The following FAM13A variants were observed in gnomAD, a reference collection of about 807,000 sequenced individuals.
FAM13A encodes the protein family with sequence similarity 13 member A, also known as protein FAM13A.
A neutral mutation model predicts 129.6 loss-of-function variants in FAM13A; 76 were observed. That is an observed-to-expected ratio of 0.59 (90% confidence interval 0.49 to 0.71). The LOEUF (loss-of-function observed/expected upper bound fraction) is 0.71, where lower values mean the gene tolerates loss of function less well. FAM13A is among the 30% of genes least tolerant of loss of function. The pLI, the probability that FAM13A is intolerant of heterozygous loss-of-function variation, is 0.00. For synonymous variants in FAM13A, 443 were observed against 449.9 expected (o/e 0.98, Z 0.20); for missense variants, 1,108 against 1,249.3 (o/e 0.89, Z 1.70).
chr4:88,984,588 AGT>A (rs1486918219), intron 4 of FAM13A, among the ~76,000 whole-genome samples: 1 of 152,170 alleles, frequency 6.6e-6, no homozygotes. Flanking sequence ...AAAATGAAAT[AGT>A]GTTTCATACC....
At chr4:88,892,563 T>C (rs1259465032) in intron 6 of FAM13A, among the ~76,000 whole-genome samples, 1 of 152,192 alleles carries the variant, frequency 6.6e-6, no homozygotes, top group African/African-American at 2.4e-5. Flanking sequence ...AGTTGAATAA[T>C]TTATTTGTTC....
intron 5 of FAM13A, among the ~76,000 whole-genome samples, chr4:88,910,319 A>G (rs1349872134): frequency 6.6e-6 from 1 of 152,206 alleles, no homozygotes; most frequent in Non-Finnish European, 1.5e-5. Context: ...TGAGAACACC[A>G]GTTAAAAATA....
chr4:88,814,693 T>G (rs1730350166), intron 7 of FAM13A, among the ~76,000 whole-genome samples: 2 of 152,208 alleles, frequency 1.3e-5, no homozygotes, highest in Non-Finnish European at 2.9e-5. Flanking sequence ...TTATAATCAT[T>G]TTGCTGACTG....
At chr4:88,826,914 A>G (rs1005951119) in intron 7 of FAM13A, among the ~76,000 whole-genome samples, 8 of 152,146 alleles carry the variant, frequency 5.3e-5, no homozygotes, top group African/African-American at 1.7e-4. Context: ...CTGACAGGCA[A>G]CCAAGTGAGT....
At position 88,781,166 on chromosome 4, in the gene FAM13A, A is replaced by G; in HGVS notation, c.1457T>C (p.Val486Ala). Residue 486 changes from valine (V) to alanine (A), a missense_variant and splice_region_variant, in exon 11 of 24, where the codon GTG becomes GCG. Physicochemically the swap from Val to Ala is moderately conservative, Grantham distance 64. Around this residue, in one of 3 missense-constraint regions of FAM13A, gnomAD observed 566 missense variants for 595.7 expected, o/e 0.95. Transcript: ENST00000264344. ...SELHDNQDGL[V>A]NMESLNSTRS... Reference sequence around the variant, plus strand: ...AACTTTATAGACGTATTCACTTACCACAAGACCGTCCTGATTGTCATGAAG... The same window carrying G: ...AACTTTATAGACGTATTCACTTACCGCAAGACCGTCCTGATTGTCATGAAG... 1.3e-6 allele frequency: 2 copies of G among 1,599,308 alleles called. No individual in the cohort carries two copies. The highest frequency in any genetic ancestry group is 1.7e-4 in the Middle Eastern group (1 of 6,018).
Position 89,056,922 on chromosome 4 carries a change from G to A in FAM13A, c.27+16C>T. 1 of 1,611,228 alleles carries A rather than the reference G, an allele frequency of 6.2e-7. No individual in the cohort carries two copies. ...CTGGCAGTAAACACAGAAGACAGAA[G>A]AAGGCCTATACTTACACAGATGGCT... On this transcript the variant is annotated intron_variant, in intron 1 of 23. Transcript: ENST00000264344.
intron 7 of FAM13A, among the ~76,000 whole-genome samples, chr4:88,819,530 T>G (rs1447839482): frequency 6.6e-6 from 1 of 152,096 alleles, no homozygotes; most frequent in Non-Finnish European, 1.5e-5. Flanking sequence ...CCACAATACC[T>G]AAGGGGAAGA....
At chr4:88,966,136 T>C (rs1759319155) in intron 4 of FAM13A, among the ~76,000 whole-genome samples, 2 of 152,226 alleles carry the variant, frequency 1.3e-5, no homozygotes, top group East Asian at 1.9e-4. Context: ...ACATGTTATG[T>C]AGTTTTTGAC....
At chr4:88,912,570 C>CAT (rs1749250421) in intron 5 of FAM13A, among the ~76,000 whole-genome samples, 1 of 9,578 alleles carries the variant, frequency 1.0e-4, no homozygotes, top group African/African-American at 5.8e-4. Context: ...CACATACATA[C>CAT]ACACACACAC....
chr4:88,920,366 G>A lies in FAM13A; in HGVS notation c.760-13904C>T, dbSNP rs188659767. On this transcript the variant is annotated intron_variant, in intron 5 of 23. Coordinates refer to ENST00000264344, the MANE Select transcript of FAM13A (RefSeq NM_014883.4). ...TCTGAGACAAAACTTTCAGAGGAAC[G>A]ATCAGACAGCAGCATTCGCGGTTCA... is the stretch of plus-strand genomic sequence containing the variant. Among the ~76,000 whole-genome samples the A allele has an allele frequency of 2.9e-3, 439 of 152,244 alleles. 3 individuals carry two copies. The highest frequency in any genetic ancestry group is 9.7e-3 in the African/African-American group (404 of 41,526).
intron 23 of FAM13A, 76 bp downstream of exon 23, chr4:88,731,251 C>G: frequency 1.3e-6 from 1 of 765,166 alleles, no homozygotes; most frequent in Non-Finnish European, 2.1e-6. Flanking sequence ...TTCCACAGAT[C>G]TGACAGAAAA....
chr4:88,751,166 C>T (rs951716326), intron 14 of FAM13A, among the ~76,000 whole-genome samples: 2 of 152,160 alleles, frequency 1.3e-5, no homozygotes, highest in African/African-American at 4.8e-5. Flanking sequence ...TGCTTGAACC[C>T]AGGAGGTGGA....
chr4:88,728,622 C>T lies in FAM13A; in HGVS notation c.2983G>A (p.Glu995Lys). 6.2e-7 allele frequency: 1 copy of T among 1,614,180 alleles called. No individual in the cohort carries two copies. Among genetic ancestry groups the T allele is most frequent in the South Asian group, 1.1e-5 (1 of 91,082 alleles). Residue 995 changes from glutamate to lysine, a missense_variant, in exon 24 of 24, where the codon GAA (glutamate) becomes AAA (lysine). Coordinates refer to ENST00000264344, the MANE Select transcript of FAM13A (RefSeq NM_014883.4). ...QKEDRTPMAE[E>K]YSEYKHIKAK... Reference sequence around the variant, plus strand: ...TTTATGTGCTTATATTCACTGTATTCTTCAGCCATAGGAGTGCGGTCTTCC... The same window carrying T: ...TTTATGTGCTTATATTCACTGTATTTTTCAGCCATAGGAGTGCGGTCTTCC...
At chr4:88,737,242 G>C (rs879509132) in intron 21 of FAM13A, among the ~76,000 whole-genome samples, 3 of 152,140 alleles carry the variant, frequency 2.0e-5, no homozygotes, top group Non-Finnish European at 4.4e-5. Context: ...AAAAAAGAGG[G>C]GGGGAATAAA....
chr4:88,779,510 T>C (rs1416341828), intron 11 of FAM13A, among the ~76,000 whole-genome samples: 2 of 152,178 alleles, frequency 1.3e-5, no homozygotes, highest in Non-Finnish European at 2.9e-5. Flanking sequence ...ATACCCTCAC[T>C]TTACAGATGA....
At chr4:88,817,647 C>T (rs1731035495) in intron 7 of FAM13A, among the ~76,000 whole-genome samples, 1 of 152,084 alleles carries the variant, frequency 6.6e-6, no homozygotes, top group South Asian at 2.1e-4. Context: ...ACATACTATT[C>T]CATTGGGAAT....
intron 8 of FAM13A, among the ~76,000 whole-genome samples, chr4:88,793,496 T>C (rs1725580914): frequency 6.6e-6 from 1 of 152,034 alleles, no homozygotes; most frequent in Non-Finnish European, 1.5e-5. Context: ...GTCTATAATT[T>C]CAAGTTCTTT....
At position 88,728,679 on chromosome 4, in the gene FAM13A, AAG is replaced by A; in HGVS notation, c.2946-22_2946-21del. Reference sequence around the variant, plus strand: ...ACATTTCTAATGCAAATAAAGGAAAAAGGGGTCTGAGGATCATTTTCTGTCTT... The same window carrying A: ...ACATTTCTAATGCAAATAAAGGAAAAGGGTCTGAGGATCATTTTCTGTCTT... On this transcript the variant is annotated intron_variant, in intron 23 of 23. Coordinates refer to ENST00000264344, the MANE Select transcript of FAM13A (RefSeq NM_014883.4). The A allele has an allele frequency of 6.2e-7, 1 of 1,613,740 alleles. No homozygotes were observed. The highest frequency in any genetic ancestry group is 8.5e-7 in the Non-Finnish European group (1 of 1,179,694).
chr4:88,899,690 T>A (rs769247932), intron 6 of FAM13A, among the ~76,000 whole-genome samples: 1 of 151,980 alleles, frequency 6.6e-6, no homozygotes, highest in South Asian at 2.1e-4. Context: ...AAAGAAGTTT[T>A]TCTATACTGA....
Sources: allele counts gnomAD v4.1 joint callset (sites outside exome capture counted in the v4.1 genomes callset), GRCh38; gene constraint gnomAD v4.1.1; regional missense constraint gnomAD v4.1.1; transcripts MANE v1.5; gene names NCBI Gene and HGNC (gene_info 2026-07-23, HGNC 2026-07-21).